The following DZANK1 variants were observed in gnomAD, a reference collection of about 807,000 sequenced individuals.
DZANK1 encodes the protein double zinc ribbon and ankyrin repeat-containing protein 1.
DZANK1 carries 91 observed loss-of-function variants against 94.5 expected under a neutral mutation model. The observed-to-expected ratio is 0.96, with a 90% confidence interval of 0.81 to 1.15. The LOEUF is 1.15. Ranked by LOEUF, DZANK1 falls within the 50% of genes most tolerant of loss-of-function variation. The pLI is 0.00. For synonymous variants in DZANK1, 312 were observed against 325.3 expected, an observed-to-expected ratio of 0.96 and a Z score of 0.44; for missense variants, 903 against 916.4, an observed-to-expected ratio of 0.99 and a Z score of 0.19.
chr20:18,459,996 G>A (rs186452405), intron 3 of DZANK1, among the ~76,000 whole-genome samples, 157 bp downstream of exon 3: 78 of 152,278 alleles, frequency 5.1e-4, no homozygotes, highest in Non-Finnish European at 7.9e-4. Context: ...TGAAAGGCAA[G>A]TAAAACACAA....
At chr20:18,460,526 G>A (rs1392417755) in intron 2 of DZANK1, among the ~76,000 whole-genome samples, 10 of 152,224 alleles carry the variant, frequency 6.6e-5, no homozygotes, top group Non-Finnish European at 1.3e-4. Flanking sequence ...TCAGGAGTTC[G>A]AGACCATCCT....
At chr20:18,420,975 A>AT (rs951517423) in intron 10 of DZANK1, 9 of 163,002 alleles carry the variant, frequency 5.5e-5, no homozygotes, top group East Asian at 1.8e-4. Context: ...GAATCTGCTG[A>AT]TTTTTTTTGT....
At chr20:18,412,793 T>G (rs1272884669) in exon 13 of DZANK1, 1 of 1,613,936 alleles carries the variant, frequency 6.2e-7, no homozygotes, top group Non-Finnish European at 8.5e-7. Flanking sequence ...CCTATGTCCC[T>G]CTTAGTCCCA....
chr20:18,419,234 C>A (rs750899551), intron 10 of DZANK1, among the ~76,000 whole-genome samples: 18 of 150,188 alleles, frequency 1.2e-4, no homozygotes, highest in Admixed American at 1.1e-3. Context: ...TGCACTCCAG[C>A]CTGGATGACA....
At chr20:18,447,789 T>G (rs6045407) in intron 7 of DZANK1, among the ~76,000 whole-genome samples, 46,477 of 151,910 alleles carry the variant, frequency 0.31, 7,223 homozygotes, top group South Asian at 0.4. Context: ...ATTAGAATGA[T>G]CAAAATAAAA....
In DZANK1 at chr20:18,453,796, A is replaced by G. The variant is rs2059189648; in HGVS notation, c.410T>C (p.Leu137Pro). Residue 137 changes from leucine to proline, a missense_variant, in exon 5 of 21, where the codon CTA becomes CCA. Leu to Pro is a moderately conservative substitution (Grantham distance 98). Transcript: ENST00000262547. ...TTCAGAGTTCTTATATTTTTTCTTT[A>G]GTTTTGATCCAACAAATCCATTTTT... 3 of 1,611,498 alleles carry G rather than the reference A, an allele frequency of 1.9e-6. No individual in the cohort carries two copies. The African/African-American group carries it at 4.0e-5, about 22-fold the overall frequency.
chr20:18,389,028 G>C (rs1404990043), intron 19 of DZANK1, among the ~76,000 whole-genome samples: 1 of 152,214 alleles, frequency 6.6e-6, no homozygotes, highest in Non-Finnish European at 1.5e-5. Flanking sequence ...TAGTCGGCAA[G>C]ATATGAGAAG....
At chr20:18,457,275 G>C (rs757559647) in intron 3 of DZANK1, among the ~76,000 whole-genome samples, 6 of 152,136 alleles carry the variant, frequency 3.9e-5, no homozygotes, top group Admixed American at 6.5e-5. Flanking sequence ...AGGAGTTCAC[G>C]ACCAGCCTGG....
intron 10 of DZANK1, among the ~76,000 whole-genome samples, chr20:18,418,907 T>C (rs766141003): frequency 2.0e-5 from 3 of 152,158 alleles, no homozygotes; most frequent in Non-Finnish European, 4.4e-5. Flanking sequence ...AAGGAAAGTG[T>C]AAGTGAACTG....
intron 13 of DZANK1, among the ~76,000 whole-genome samples, chr20:18,403,843 A>G (rs1451993038): frequency 8.1e-6 from 1 of 123,136 alleles, no homozygotes; most frequent in Non-Finnish European, 1.6e-5. Context: ...TCTGTTGCCC[A>G]GGTAGGAGTG....
At chr20:18,406,914 TC>T (rs1390641672) in intron 13 of DZANK1, among the ~76,000 whole-genome samples, 1 of 152,042 alleles carries the variant, frequency 6.6e-6, no homozygotes, top group Admixed American at 6.5e-5. Flanking sequence ...CCTGGCAGAA[TC>T]CCCTGTGGAC....
chr20:18,387,584 G>A (rs1213523696), intron 19 of DZANK1, among the ~76,000 whole-genome samples: 3 of 152,210 alleles, frequency 2.0e-5, no homozygotes, highest in African/African-American at 7.2e-5. Flanking sequence ...GTGAGGAAGG[G>A]CAGCTCTTGT....
chr20:18,414,537 G>A (rs778246779), intron 11 of DZANK1, 25 bp from the exon 12 acceptor site: 48 of 1,564,568 alleles, frequency 3.1e-5, no homozygotes, highest in Non-Finnish European at 4.0e-5. Context: ...ATATCTTGAT[G>A]AATATTAGAG....
At chr20:18,453,539 T>G (rs1295411341) in intron 5 of DZANK1, among the ~76,000 whole-genome samples, 192 bp downstream of exon 5, 1 of 152,232 alleles carries the variant, frequency 6.6e-6, no homozygotes, top group African/African-American at 2.4e-5. Context: ...TTGGTTGGAC[T>G]GCTTGATCCT....
chr20:18,396,471 C>G lies in DZANK1; in HGVS notation c.1611+1G>C. ...TGAATAACTTCTGGAGGCTTACTCA[C>G]CTTGTTTGAGACTTGACTATAATTC... On this transcript the variant is annotated splice_donor_variant, in intron 15 of 20. Transcript: ENST00000262547. LOFTEE classifies it high-confidence loss of function. 1 of 1,611,238 alleles carries G rather than the reference C, an allele frequency of 6.2e-7. No individual in the cohort carries two copies. Among genetic ancestry groups the G allele is most frequent in the East Asian group, 2.2e-5 (1 of 44,806 alleles).
exon 21 of DZANK1, chr20:18,383,575 A>AT (rs2048311729): frequency 6.6e-6 from 1 of 152,242 alleles, no homozygotes; most frequent in Admixed American, 6.5e-5. Context: ...TTGTTTTAAA[A>AT]GAGGGGAAAG....
In DZANK1 at chr20:18,424,139, A is replaced by G. The variant is rs181123850; in HGVS notation, c.954+2928T>C. The stretch of plus-strand genomic sequence containing the variant: ...CATACATTAAAATGGTAAAAAGGGA[A>G]TATCATGATTAAAATGATTGGTGAT... On this transcript the variant is annotated intron_variant, in intron 10 of 20. Coordinates refer to ENST00000262547, the Ensembl canonical transcript of DZANK1. Among the ~76,000 whole-genome samples the G allele has an allele frequency of 9.9e-5, 15 of 152,274 alleles. No homozygotes were observed. The East Asian group carries it at 2.9e-3, about 29-fold the overall frequency.
In DZANK1 at chr20:18,433,574, T is replaced by C. The variant is rs16979146; in HGVS notation, c.861+78A>G. The C allele has an allele frequency of 1.3e-3, 1,756 of 1,327,602 alleles. 24 individuals carry two copies. In the Admixed American group the frequency reaches 0.027, roughly 21 times the overall value. 82.2% of individuals were successfully genotyped at this position (1,327,602 alleles called of 1,614,324 possible). A position where few individuals can be genotyped will look rare whatever the true frequency, so the allele number is the denominator to read the frequency against. On this transcript the variant is annotated intron_variant, in intron 9 of 20. Transcript: ENST00000262547. ...AAAAAAAATTGTTACCCCATCCCAC[T>C]AGCTGAAAAAGGACATATACCTGTT...
chr20:18,460,716 G>A (rs888128613), intron 2 of DZANK1, among the ~76,000 whole-genome samples: 1 of 150,780 alleles, frequency 6.6e-6, no homozygotes, highest in Non-Finnish European at 1.5e-5. Flanking sequence ...GCAACAGAGC[G>A]AGACTCCGTC....
Sources: allele counts gnomAD v4.1 joint callset (sites outside exome capture counted in the v4.1 genomes callset), GRCh38; gene constraint gnomAD v4.1.1; transcripts MANE v1.5; gene names NCBI Gene and HGNC (gene_info 2026-07-23, HGNC 2026-07-21).